The following MREG variants were observed in gnomAD, a reference collection of about 807,000 sequenced individuals.
The protein encoded by MREG is dilute suppressor protein homolog.
In MREG, 31 loss-of-function variants were observed where a neutral mutation model predicts 28.5. The observed-to-expected ratio is 1.09, with a 90% CI of 0.82 to 1.47. The LOEUF (loss-of-function observed/expected upper bound fraction) is 1.47, where lower values mean the gene tolerates loss of function less well. Ranked by LOEUF, MREG falls within the 40% of genes most tolerant of loss-of-function variation. The pLI, the probability that MREG is intolerant of heterozygous loss-of-function variation, is 0.00. For missense variants in MREG, 256 were observed against 257.4 expected (o/e 0.99, Z 0.04); for synonymous variants, 106 against 95.2 (o/e 1.11, Z -0.66).
chr2:216,030,482 C>T (rs1443688750), intron 1 of MREG, among the ~76,000 whole-genome samples: 2 of 152,138 alleles, frequency 1.3e-5, no homozygotes, highest in Admixed American at 1.3e-4. Flanking sequence ...ATGGAAAGGG[C>T]TTAGCAGTGT....
At chr2:215,960,975 C>G (rs79139449) in intron 2 of MREG, among the ~76,000 whole-genome samples, 23 of 152,232 alleles carry the variant, frequency 1.5e-4, no homozygotes, top group Admixed American at 2.6e-4. Flanking sequence ...AAAGAGAAGA[C>G]TGTATTTCAC....
chr2:215,972,140 T>C (rs16855177), intron 2 of MREG, among the ~76,000 whole-genome samples: 3,730 of 152,176 alleles, frequency 0.025, 116 homozygotes, highest in African/African-American at 0.084. Flanking sequence ...GTCTCCTTCC[T>C]AGGAATCCTG....
chr2:216,023,816 C>G (rs1694558753), intron 1 of MREG, among the ~76,000 whole-genome samples: 1 of 152,054 alleles, frequency 6.6e-6, no homozygotes, highest in African/African-American at 2.4e-5. Context: ...TACAGGCACC[C>G]ACGACCATGC....
intron 1 of MREG, among the ~76,000 whole-genome samples, chr2:216,020,309 G>A (rs1052897304): frequency 6.6e-6 from 1 of 152,178 alleles, no homozygotes; most frequent in Admixed American, 6.5e-5. Flanking sequence ...ACTGGATCCA[G>A]GCCCTCCAAA....
chr2:216,000,622 A>G (rs1196872534), intron 1 of MREG, among the ~76,000 whole-genome samples: 1 of 152,148 alleles, frequency 6.6e-6, no homozygotes, highest in African/African-American at 2.4e-5. Context: ...CAGTTCCTCT[A>G]GGGCAGGGGT....
intron 2 of MREG, among the ~76,000 whole-genome samples, chr2:215,983,807 G>A (rs1693492871): frequency 6.6e-6 from 1 of 152,286 alleles, no homozygotes; most frequent in Middle Eastern, 3.4e-3. Context: ...ATGAGTGACA[G>A]GCAGGCAGAC....
At chr2:215,941,513 C>T (rs1369052344), downstream of MREG, among the ~76,000 whole-genome samples, 4 of 152,168 alleles carry the variant, frequency 2.6e-5, no homozygotes. Context: ...TTCATGTACT[C>T]CCCTTCCCCA....
intron 2 of MREG, among the ~76,000 whole-genome samples, chr2:215,968,675 C>A (rs971802679): frequency 2.6e-5 from 4 of 152,136 alleles, no homozygotes; most frequent in African/African-American, 9.7e-5. Context: ...GTCCTGGAGC[C>A]CAGTCCTTTG....
intron 1 of MREG, among the ~76,000 whole-genome samples, chr2:215,997,375 C>T (rs1338600543): frequency 1.3e-5 from 2 of 152,158 alleles, no homozygotes; most frequent in Non-Finnish European, 2.9e-5. Context: ...AGATTAGTGA[C>T]AGAGCATCAC....
chr2:215,977,924 A>G (rs1693304175), intron 2 of MREG, among the ~76,000 whole-genome samples: 1 of 152,242 alleles, frequency 6.6e-6, no homozygotes, highest in Admixed American at 6.5e-5. Context: ...CACAAAAGAA[A>G]GCAGGAAAGA....
intron 2 of MREG, among the ~76,000 whole-genome samples, chr2:215,976,173 T>G (rs1469768718): frequency 2.0e-5 from 3 of 152,050 alleles, no homozygotes; most frequent in African/African-American, 4.8e-5. Context: ...TGCATTAAGT[T>G]CCACTTGCAA....
intron 2 of MREG, among the ~76,000 whole-genome samples, chr2:215,988,772 C>T (rs894996030): frequency 3.9e-5 from 6 of 152,184 alleles, no homozygotes; most frequent in Non-Finnish European, 5.9e-5. Flanking sequence ...TACACAAAGC[C>T]GCTGGGAAGT....
intron 1 of MREG, among the ~76,000 whole-genome samples, chr2:216,011,233 A>G (rs1410449921): frequency 6.6e-6 from 1 of 152,210 alleles, no homozygotes; most frequent in Non-Finnish European, 1.5e-5. Flanking sequence ...TGCCTTGTAT[A>G]GGAAAGAACC....
At chr2:215,959,885 T>C (rs1483301647) in intron 2 of MREG, among the ~76,000 whole-genome samples, 2 of 152,190 alleles carry the variant, frequency 1.3e-5, no homozygotes, top group African/African-American at 4.8e-5. Flanking sequence ...CAATTGAAAG[T>C]AAACTGCTGC....
At chr2:215,971,471 G>A (rs1020232115) in intron 2 of MREG, among the ~76,000 whole-genome samples, 3 of 152,014 alleles carry the variant, frequency 2.0e-5, no homozygotes, top group East Asian at 1.9e-4. Context: ...ACAGGTAAGC[G>A]GTAAATACTA....
chr2:216,023,699 A>G (rs2105931066), intron 1 of MREG, among the ~76,000 whole-genome samples: 1 of 152,012 alleles, frequency 6.6e-6, no homozygotes, highest in Non-Finnish European at 1.5e-5. Flanking sequence ...TTAGAGTCTC[A>G]CTCTGTTGCC....
upstream of MREG, among the ~76,000 whole-genome samples, chr2:216,015,200 C>T (rs926655441): frequency 1.3e-5 from 2 of 151,188 alleles, no homozygotes; most frequent in Non-Finnish European, 2.9e-5. Flanking sequence ...TGTGCGTGTG[C>T]GTGTGTGTGT....
chr2:216,009,354 ATGC>A (rs1694238984), intron 1 of MREG, among the ~76,000 whole-genome samples: 1 of 151,344 alleles, frequency 6.6e-6, no homozygotes. Flanking sequence ...AAAAAAAAAA[ATGC>A]TGCTAAGTGG....
intron 2 of MREG, among the ~76,000 whole-genome samples, chr2:215,958,225 G>A (rs938362486): frequency 6.6e-6 from 1 of 151,460 alleles, no homozygotes; most frequent in Non-Finnish European, 1.5e-5. Flanking sequence ...CCTGCACGTT[G>A]TGCACATGTA....
Sources: allele counts gnomAD v4.1 joint callset (sites outside exome capture counted in the v4.1 genomes callset), GRCh38; gene constraint gnomAD v4.1.1; transcripts MANE v1.5; gene names NCBI Gene and HGNC (gene_info 2026-07-23, HGNC 2026-07-21).